TRMT9B: variants seen among roughly 807,000 people sequenced by gnomAD.
TRMT9B encodes tRNA methyltransferase 9B (putative), also known as probable tRNA methyltransferase 9B.
In TRMT9B, 16 loss-of-function variants were observed where a neutral mutation model predicts 11.5. The observed-to-expected ratio is 1.39, with a 90% CI of 0.94 to 2.11. The LOEUF (loss-of-function observed/expected upper bound fraction) is 2.11. Ranked by LOEUF, TRMT9B falls within the 30% of genes most tolerant of loss-of-function variation. The pLI is 0.00. For missense variants in TRMT9B, 941 were observed against 553.8 expected, an observed-to-expected ratio of 1.70 and a Z score of -7.02; for synonymous variants, 274 against 192.4, an observed-to-expected ratio of 1.42 and a Z score of -3.51.
At chr8:12,997,304 A>G (rs1290018131) in intron 2 of TRMT9B, among the ~76,000 whole-genome samples, 2 of 147,144 alleles carry the variant, frequency 1.4e-5, no homozygotes, top group Non-Finnish European at 3.0e-5. Flanking sequence ...CTGGTTGTTT[A>G]AAGGAGCCTG....
At chr8:12,969,774 G>A (rs1187427237) in intron 1 of TRMT9B, among the ~76,000 whole-genome samples, 4 of 151,434 alleles carry the variant, frequency 2.6e-5, no homozygotes, top group African/African-American at 9.7e-5. Context: ...TGGGCTCCAG[G>A]AATCCTCCCA....
intron 1 of TRMT9B, among the ~76,000 whole-genome samples, chr8:12,977,430 T>TG (rs1804628903): frequency 1.3e-5 from 2 of 152,104 alleles, no homozygotes. Context: ...TGGCCGGGCG[T>TG]GGGTGCTCAC....
At chr8:12,965,614 A>ATT (rs112013324) in intron 1 of TRMT9B, among the ~76,000 whole-genome samples, 15 of 146,058 alleles carry the variant, frequency 1.0e-4, no homozygotes, top group East Asian at 8.0e-4. Flanking sequence ...TAGTTGTCTG[A>ATT]TTTTTTTTTT....
intron 3 of TRMT9B, chr8:13,010,555 A>T (rs1585355298): frequency 1.0e-6 from 1 of 985,270 alleles, no homozygotes. Flanking sequence ...GGCCATTAGA[A>T]ATGAATAGGG....
At chr8:13,000,252 A>C (rs1263401659) in intron 2 of TRMT9B, among the ~76,000 whole-genome samples, 1 of 152,178 alleles carries the variant, frequency 6.6e-6, no homozygotes, top group Non-Finnish European at 1.5e-5. Context: ...GTTTATCTGA[A>C]TTCAAGTAGG....
chr8:12,947,176 A>T (rs2128853896), intron 1 of TRMT9B, among the ~76,000 whole-genome samples: 1 of 152,284 alleles, frequency 6.6e-6, no homozygotes, highest in Non-Finnish European at 1.5e-5. Context: ...TGAGGCCATA[A>T]AGCTTGAGCT....
chr8:13,013,746 A>C (rs1812097600), intron 4 of TRMT9B, among the ~76,000 whole-genome samples: 1 of 152,072 alleles, frequency 6.6e-6, no homozygotes, highest in Non-Finnish European at 1.5e-5. Context: ...AGGTCAGGAG[A>C]TCGAGACCAG....
chr8:12,961,659 C>G (rs1282769483), intron 1 of TRMT9B: 4 of 149,520 alleles, frequency 2.7e-5, no homozygotes, highest in Non-Finnish European at 4.4e-5. Context: ...CGAGATCACG[C>G]CACAGCACTC....
chr8:13,021,062 C>T lies in TRMT9B; in HGVS notation c.383C>T (p.Ala128Val), dbSNP rs752838646. Residue 128 changes from alanine (A) to valine (V), a missense_variant, in exon 5 of 5, where the codon GCC (alanine) becomes GTC (valine). By Grantham distance (64) the Ala-to-Val change is moderately conservative (BLOSUM62 0). Coordinates refer to ENST00000524591, the MANE Select transcript of TRMT9B (RefSeq NM_020844.3). ...QRRIRAIKEM[A>V]RVLVPGGQLM... ...AGAATCAGAGCAATAAAAGAAATGGCCAGGGTCTTAGTTCCCGGAGGCCAA... is the reference window on the plus strand; with the variant it reads ...AGAATCAGAGCAATAAAAGAAATGGTCAGGGTCTTAGTTCCCGGAGGCCAA... 3 of 1,593,628 alleles carry T rather than the reference C, an allele frequency of 1.9e-6. No homozygotes were observed. Among genetic ancestry groups the T allele is most frequent in the South Asian group, 1.1e-5 (1 of 87,884 alleles).
Position 13,025,910 on chromosome 8 carries a change from G to A in TRMT9B, c.*3866G>A, listed in dbSNP as rs528591621. The A allele has an allele frequency of 5.4e-5, 9 of 166,832 alleles. No individual in the cohort carries two copies. The East Asian group carries it at 1.7e-3, about 32-fold the overall frequency. The allele number at this position is 166,832 out of a possible 1,614,324, so 10.3% of individuals were successfully genotyped here. A position where few individuals can be genotyped will look rare whatever the true frequency, so the allele number is the denominator to read the frequency against. ...TCAATTCAATAGGCAAAAATTTGGA[G>A]TAATCCAGAGAAAAAACCATCCAAA... On this transcript the variant is annotated 3_prime_UTR_variant, in exon 5 of 5. Transcript: ENST00000524591.
intron 2 of TRMT9B, among the ~76,000 whole-genome samples, chr8:12,995,091 G>A (rs1369252967): frequency 1.3e-5 from 2 of 152,200 alleles, no homozygotes; most frequent in East Asian, 3.8e-4. Context: ...CACACAGAGG[G>A]CTCACTGAAA....
At position 13,023,511 on chromosome 8, in the gene TRMT9B, A is replaced by T. The variant is rs962538857; in HGVS notation, c.*1467A>T. The T allele has an allele frequency of 1.2e-5, 2 of 167,114 alleles. No homozygotes were observed. Among genetic ancestry groups the T allele is most frequent in the African/African-American group, 4.8e-5 (2 of 41,458 alleles). The allele number at this position is 167,114 out of a possible 1,614,324, so 10.4% of individuals were successfully genotyped here. A position where few individuals can be genotyped will look rare whatever the true frequency, so the allele number is the denominator to read the frequency against. ...ACTGGACACTGTGTGGTCACTGTTTAGATTTGCCCATGGGTCTCTTTAAAT... is the reference window on the plus strand; with the variant it reads ...ACTGGACACTGTGTGGTCACTGTTTTGATTTGCCCATGGGTCTCTTTAAAT... On this transcript the variant is annotated 3_prime_UTR_variant, in exon 5 of 5. Transcript: ENST00000524591.
chr8:12,960,470 A>G (rs2128862222), intron 1 of TRMT9B: 1 of 152,292 alleles, frequency 6.6e-6, no homozygotes, highest in East Asian at 1.9e-4. Flanking sequence ...GTGAAGACTG[A>G]AAAATGAACA....
At chr8:12,948,757 G>A (rs528706831) in intron 1 of TRMT9B, among the ~76,000 whole-genome samples, 4 of 151,968 alleles carry the variant, frequency 2.6e-5, no homozygotes, top group Non-Finnish European at 4.4e-5. Context: ...TCAGGAGATC[G>A]AGACCATTCT....
chr8:12,946,429 T>C (rs1333633762), intron 1 of TRMT9B, among the ~76,000 whole-genome samples: 1 of 151,978 alleles, frequency 6.6e-6, no homozygotes, highest in Non-Finnish European at 1.5e-5. Flanking sequence ...CCATGGGCTA[T>C]GAAGGGCAAG....
chr8:13,012,223 T>C (rs1363140620), intron 3 of TRMT9B: 3 of 985,452 alleles, frequency 3.0e-6, no homozygotes, highest in Non-Finnish European at 3.6e-6. Context: ...CGAAGGCTTT[T>C]CTTTTGCTTT....
chr8:12,967,801 G>A (rs745766038), intron 1 of TRMT9B, among the ~76,000 whole-genome samples: 2 of 152,230 alleles, frequency 1.3e-5, no homozygotes, highest in Non-Finnish European at 2.9e-5. Context: ...AATGGGTTTT[G>A]AAGCATTGTT....
At chr8:12,983,398 A>G (rs1805731623) in intron 1 of TRMT9B, among the ~76,000 whole-genome samples, 1 of 152,168 alleles carries the variant, frequency 6.6e-6, no homozygotes, top group African/African-American at 2.4e-5. Context: ...GGCTGGGTAC[A>G]GTGGCTCATG....
chr8:12,966,968 A>G (rs1433420167), intron 1 of TRMT9B, among the ~76,000 whole-genome samples: 6 of 152,224 alleles, frequency 3.9e-5, no homozygotes, highest in Non-Finnish European at 7.3e-5. Context: ...AAAGCATTTT[A>G]GGGCTAGGTA....
Sources: gnomAD v4.1 joint callset for allele counts (sites outside exome capture counted in the v4.1 genomes callset) on GRCh38, gnomAD v4.1.1 for gene constraint, MANE v1.5 for transcripts, NCBI Gene and HGNC (gene_info 2026-07-23, HGNC 2026-07-21) for gene names.